Variants in FIG4 observed in about 807,000 individuals in gnomAD.
FIG4 encodes the protein FIG4 phosphoinositide 5-phosphatase.
FIG4 carries 112 observed loss-of-function variants against 118.6 expected under a neutral mutation model. That is an observed-to-expected ratio of 0.94 (90% confidence interval 0.81 to 1.11). FIG4 has a LOEUF of 1.11. Among genes scored for constraint, FIG4 ranks in the 50% least tolerant of loss-of-function variants. The pLI, the probability that FIG4 is intolerant of heterozygous loss-of-function variation, is 0.00. For synonymous variants in FIG4, 369 were observed against 381.2 expected (o/e 0.97, Z 0.37); for missense variants, 969 against 1,111.7 (o/e 0.87, Z 1.83).
Position 109,785,018 on chromosome 6 carries a change from C to A in FIG4, c.1938C>A (p.Pro646=). 1 of 1,569,168 alleles carries A rather than the reference C, an allele frequency of 6.4e-7. No homozygotes were observed. The highest frequency in any genetic ancestry group is 8.8e-7 in the Non-Finnish European group (1 of 1,138,946). The change falls in exon 17 of 23, where the codon CCC becomes CCA. Residue 646 remains proline, a synonymous_variant. Coordinates refer to ENST00000230124, the MANE Select transcript of FIG4 (RefSeq NM_014845.6). ...AGGTGATAAAGCATTTACCATTGCC[C>A]TATGATGAAGGTAGGTAACTGTTTG... ...TPEVIKHLPL[P]YDEVICAVNL... is the part of the protein sequence containing the mutation.
chr6:109,740,895 A>T (rs4947016), intron 7 of FIG4, among the ~76,000 whole-genome samples: 51,702 of 151,950 alleles, frequency 0.34, 9,385 homozygotes, highest in South Asian at 0.45. Context: ...TGGAAGGTGA[A>T]GGGGAAGCAC....
intron 21 of FIG4, 101 bp from the exon 22 acceptor site, chr6:109,796,664 A>G (rs1778295528): frequency 2.5e-6 from 2 of 791,286 alleles, no homozygotes; most frequent in African/African-American, 1.7e-5. Flanking sequence ...TGAAATAAGC[A>G]TACTACTGAA....
At position 109,715,208 on chromosome 6, in the gene FIG4, A is replaced by C. The variant is rs770670077; in HGVS notation, c.165+32A>C. ...ATCCTCCAAACCTGACTGCAAAAAA[A>C]CTTTCATACCTGTTGTTTAAAGGAC... On this transcript the variant is annotated intron_variant, in intron 2 of 22. Coordinates refer to ENST00000230124, the MANE Select transcript of FIG4 (RefSeq NM_014845.6). 6.4e-6 allele frequency: 7 copies of C among 1,098,612 alleles called. No homozygotes were observed. In the East Asian group the frequency reaches 1.2e-4, roughly 18 times the overall value. The allele number at this position is 1,098,612 out of a possible 1,614,324, so 68.1% of individuals were successfully genotyped here. A position where few individuals can be genotyped will look rare whatever the true frequency, so the allele number is the denominator to read the frequency against.
chr6:109,804,771 T>C (rs2128399652), intron 22 of FIG4, among the ~76,000 whole-genome samples: 1 of 152,328 alleles, frequency 6.6e-6, no homozygotes, highest in South Asian at 2.1e-4. Flanking sequence ...CTTTCTGCTA[T>C]CCCTCCCAAT....
chr6:109,703,996 C>G (rs2128378824), intron 1 of FIG4, among the ~76,000 whole-genome samples: 1 of 152,248 alleles, frequency 6.6e-6, no homozygotes, highest in South Asian at 2.1e-4. Flanking sequence ...TAACCCAGTC[C>G]CATGGCTTTA....
chr6:109,714,661 T>A (rs1016065964), intron 1 of FIG4, among the ~76,000 whole-genome samples: 1 of 152,226 alleles, frequency 6.6e-6, no homozygotes, highest in Admixed American at 6.5e-5. Context: ...AATTTGTAAG[T>A]AGTTTTTTGA....
At chr6:109,758,140 G>A (rs997794087) in intron 10 of FIG4, among the ~76,000 whole-genome samples, 45 of 152,136 alleles carry the variant, frequency 3.0e-4, no homozygotes, top group Non-Finnish European at 4.3e-4. Context: ...AAAAGAGCCC[G>A]TATAGCCAAG....
At chr6:109,819,823 T>G (rs192466738) in intron 22 of FIG4, among the ~76,000 whole-genome samples, 2 of 152,318 alleles carry the variant, frequency 1.3e-5, no homozygotes, top group Admixed American at 1.3e-4. Context: ...GCTATACATA[T>G]AAACTTAAAC....
intron 1 of FIG4, among the ~76,000 whole-genome samples, chr6:109,695,615 C>G (rs1774694309): frequency 6.6e-6 from 1 of 152,104 alleles, no homozygotes; most frequent in Non-Finnish European, 1.5e-5. Context: ...CACACACACA[C>G]ACACACACAA....
intron 17 of FIG4, 37 bp downstream of exon 17, chr6:109,785,065 A>G: frequency 1.7e-6 from 2 of 1,189,818 alleles, no homozygotes; most frequent in South Asian, 1.2e-5. Context: ...TTACACTAAC[A>G]TATTTTGGCA....
chr6:109,800,552 A>C lies in FIG4; in HGVS notation c.2546+3701A>C, dbSNP rs74513114. 6.4e-4 allele frequency among the ~76,000 whole-genome samples: 98 copies of C among 152,290 alleles called. 1 individual carries two copies. In the East Asian group the frequency reaches 0.017, roughly 26 times the overall value. On this transcript the variant is annotated intron_variant, in intron 22 of 22. Coordinates refer to ENST00000230124, the MANE Select transcript of FIG4 (RefSeq NM_014845.6). The stretch of plus-strand genomic sequence containing the variant: ...GACATTATTGTAATCTTACAAGGTT[A>C]TACATTTTTAGAGGGCAACCCATCT...
intron 22 of FIG4, among the ~76,000 whole-genome samples, chr6:109,819,809 C>G (rs1299355170): frequency 6.6e-6 from 1 of 152,208 alleles, no homozygotes; most frequent in Non-Finnish European, 1.5e-5. Context: ...CACTCAGGCA[C>G]TATGCTATAC....
intron 6 of FIG4, among the ~76,000 whole-genome samples, chr6:109,736,595 G>A (rs1776165943): frequency 6.6e-6 from 1 of 152,138 alleles, no homozygotes; most frequent in Non-Finnish European, 1.5e-5. Flanking sequence ...CACTAAATTT[G>A]CCCCACATGC....
chr6:109,701,138 A>G (rs532542721), intron 1 of FIG4, among the ~76,000 whole-genome samples: 1 of 152,328 alleles, frequency 6.6e-6, no homozygotes, highest in South Asian at 2.1e-4. Context: ...TTTGAGGAAT[A>G]TTTGGAGAGG....
In FIG4 at chr6:109,820,086, G is replaced by A. The variant is rs77947791; in HGVS notation, c.2547-5002G>A. 6.4e-4 allele frequency among the ~76,000 whole-genome samples: 97 copies of A among 152,266 alleles called. 1 individual carries two copies. The East Asian group carries it at 0.017, about 26-fold the overall frequency. ...GCATGCCCTACCTATGCATCAGGCA[G>A]GGCTCCCAGGCAGGTACTGGTCCAA... On this transcript the variant is annotated intron_variant, in intron 22 of 22. Transcript: ENST00000230124.
At chr6:109,793,547 A>G (rs1191086673) in intron 21 of FIG4, among the ~76,000 whole-genome samples, 2 of 152,228 alleles carry the variant, frequency 1.3e-5, no homozygotes, top group African/African-American at 2.4e-5. Context: ...TGATGAGAAC[A>G]TTGCAAACAC....
intron 22 of FIG4, among the ~76,000 whole-genome samples, chr6:109,821,428 A>T (rs1333095303): frequency 2.6e-5 from 4 of 152,254 alleles, no homozygotes; most frequent in Non-Finnish European, 5.9e-5. Context: ...AGAGCAAAAT[A>T]ACATTCCTAC....
chr6:109,693,300 CTGCCCTG>C (rs1396649087), intron 1 of FIG4, among the ~76,000 whole-genome samples: 2 of 152,182 alleles, frequency 1.3e-5, no homozygotes, highest in Non-Finnish European at 2.9e-5. Context: ...TTCCCTATAT[CTGCCCTG>C]TGTTTTTCTG....
rs571649446 is a variant in FIG4, at chr6:109,795,095, G to GTTTTTTTTTTTTTTTTTTTTT, written c.2460-1650_2460-1630dup. Reference sequence around the variant, plus strand: ...TCCTCAAAGCTTCATACACTTGCCAGTTTTTTTTTTTTTTTTTTTTTTTTT... The same window carrying GTTTTTTTTTTTTTTTTTTTTT: ...TCCTCAAAGCTTCATACACTTGCCAGTTTTTTTTTTTTTTTTTTTTTTTTTTTTTTTTTTTTTTTTTTTTTT... On this transcript the variant is annotated intron_variant, in intron 21 of 22. Transcript: ENST00000230124. 2.6e-4 allele frequency among the ~76,000 whole-genome samples: 15 copies of GTTTTTTTTTTTTTTTTTTTTT among 57,250 alleles called. 4 individuals carry two copies. The highest frequency in any genetic ancestry group is 3.5e-4 in the Non-Finnish European group (10 of 28,708). The allele number at this position is 57,250 out of a possible 152,430, so 37.6% of individuals were successfully genotyped here. A position where few individuals can be genotyped will look rare whatever the true frequency, so the allele number is the denominator to read the frequency against.
Sources: allele counts gnomAD v4.1 joint callset (sites outside exome capture counted in the v4.1 genomes callset), GRCh38; gene constraint gnomAD v4.1.1; transcripts MANE v1.5; gene names NCBI Gene and HGNC (gene_info 2026-07-23, HGNC 2026-07-21).